Variants in TNR observed in about 807,000 individuals in gnomAD.
The protein encoded by TNR is tenascin-R.
TNR carries 45 observed loss-of-function variants against 150.4 expected under a neutral mutation model. The ratio of observed to expected loss-of-function variants is 0.30; its 90% confidence interval spans 0.24 to 0.38. TNR has a LOEUF of 0.38. TNR is among the 10% of genes least tolerant of loss of function. The pLI, the probability that TNR is intolerant of heterozygous loss-of-function variation, is 1.00. For synonymous variants in TNR, 687 were observed against 678.4 expected, an observed-to-expected ratio of 1.01 and a Z score of -0.20; for missense variants, 1,544 against 1,759.1, an observed-to-expected ratio of 0.88 and a Z score of 2.19.
chr1:175,629,235 A>G (rs1215678414), intron 1 of TNR, among the ~76,000 whole-genome samples: 1 of 152,158 alleles, frequency 6.6e-6, no homozygotes, highest in East Asian at 1.9e-4. Flanking sequence ...AGATGTTTCT[A>G]TCATAGGACC....
chr1:175,511,440 A>G (rs1354510810), intron 2 of TNR, among the ~76,000 whole-genome samples: 1 of 152,204 alleles, frequency 6.6e-6, no homozygotes, highest in African/African-American at 2.4e-5. Context: ...GCCCTGTAAT[A>G]TTTGATTTGA....
chr1:175,565,712 C>G (rs1558009362), intron 1 of TNR, among the ~76,000 whole-genome samples: 1 of 152,092 alleles, frequency 6.6e-6, no homozygotes, highest in African/African-American at 2.4e-5. Context: ...AGAAAGTGCA[C>G]AAGACTTACT....
chr1:175,700,660 G>A (rs1666665777), intron 1 of TNR, among the ~76,000 whole-genome samples: 1 of 152,192 alleles, frequency 6.6e-6, no homozygotes, highest in African/African-American at 2.4e-5. Context: ...TGCAGGAGCT[G>A]AGCTTGGAGA....
intron 2 of TNR, among the ~76,000 whole-genome samples, chr1:175,524,677 T>C (rs900163939): frequency 6.6e-6 from 1 of 152,104 alleles, no homozygotes; most frequent in Non-Finnish European, 1.5e-5. Flanking sequence ...GAGAGTGAAA[T>C]TGAGCAAGCT....
chr1:175,583,300 T>C (rs1406014306), intron 1 of TNR, among the ~76,000 whole-genome samples: 1 of 152,116 alleles, frequency 6.6e-6, no homozygotes, highest in Non-Finnish European at 1.5e-5. Context: ...TGAGCTGGCA[T>C]TGAAGCCTCA....
At chr1:175,693,539 T>G (rs1666434818) in intron 1 of TNR, among the ~76,000 whole-genome samples, 1 of 152,184 alleles carries the variant, frequency 6.6e-6, no homozygotes, top group Non-Finnish European at 1.5e-5. Flanking sequence ...TCCCTCCTCT[T>G]AGGTTTCCCA....
intron 3 of TNR, 120 bp from the exon 4 acceptor site, chr1:175,403,736 G>T: frequency 1.2e-6 from 1 of 806,948 alleles, no homozygotes; most frequent in Non-Finnish European, 2.0e-6. Flanking sequence ...TGCTGAGAGT[G>T]AAGCTCAACG....
chr1:175,635,296 G>A lies in TNR; in HGVS notation c.-164-106927C>T, dbSNP rs138224169. On this transcript the variant is annotated intron_variant, in intron 1 of 22. Coordinates refer to ENST00000367674, the MANE Select transcript of TNR (RefSeq NM_003285.3). The stretch of plus-strand genomic sequence containing the variant: ...ATCTCGAGTGTGTTCACCAACATGT[G>A]TGCAAACAAAAGGTCTCTAATTTTT... Among the ~76,000 whole-genome samples, 921 of 152,012 alleles carry A rather than the reference G, an allele frequency of 6.1e-3. 4 individuals are homozygous for A. Among genetic ancestry groups the A allele is most frequent in the Non-Finnish European group, 9.0e-3 (612 of 68,034 alleles).
At chr1:175,525,701 C>T (rs1453944268) in intron 2 of TNR, among the ~76,000 whole-genome samples, 1 of 152,188 alleles carries the variant, frequency 6.6e-6, no homozygotes, top group Non-Finnish European at 1.5e-5. Context: ...ATATGGTGGG[C>T]CGTCGTTCCC....
intron 1 of TNR, among the ~76,000 whole-genome samples, chr1:175,574,676 G>T (rs1190412318): frequency 6.6e-6 from 1 of 152,094 alleles, no homozygotes; most frequent in Admixed American, 6.5e-5. Context: ...ACAGATAATT[G>T]TTCCCCTCCT....
At chr1:175,398,325 GT>G (rs1653532868) in intron 4 of TNR, among the ~76,000 whole-genome samples, 4 of 152,190 alleles carry the variant, frequency 2.6e-5, no homozygotes. Context: ...GATGGCAAAT[GT>G]TGACCAAAAC....
intron 1 of TNR, among the ~76,000 whole-genome samples, chr1:175,714,700 G>T (rs544390021): frequency 2.8e-4 from 43 of 152,280 alleles, no homozygotes; most frequent in African/African-American, 9.1e-4. Context: ...ATCGATAGGC[G>T]CTTTAATTAC....
chr1:175,706,246 G>A (rs1236815066), intron 1 of TNR, among the ~76,000 whole-genome samples: 1 of 152,192 alleles, frequency 6.6e-6, no homozygotes. Flanking sequence ...TTTAAATTAA[G>A]CACCAAATAT....
chr1:175,419,794 T>C (rs1654670792), intron 2 of TNR, among the ~76,000 whole-genome samples: 1 of 152,170 alleles, frequency 6.6e-6, no homozygotes, highest in Admixed American at 6.5e-5. Context: ...AGTCCCCTTT[T>C]ACTGGAGTTC....
intron 1 of TNR, among the ~76,000 whole-genome samples, chr1:175,721,957 G>T (rs1667318104): frequency 6.6e-6 from 1 of 151,342 alleles, no homozygotes; most frequent in South Asian, 2.1e-4. Context: ...CCAATCATGA[G>T]CTGCTGGACT....
At chr1:175,581,881 T>C (rs1386382044) in intron 1 of TNR, among the ~76,000 whole-genome samples, 1 of 152,100 alleles carries the variant, frequency 6.6e-6, no homozygotes, top group Non-Finnish European at 1.5e-5. Flanking sequence ...CATCCCTACC[T>C]ACATGCCAGG....
chr1:175,444,578 G>A (rs565184208), intron 2 of TNR, among the ~76,000 whole-genome samples: 1 of 152,206 alleles, frequency 6.6e-6, no homozygotes, highest in East Asian at 1.9e-4. Flanking sequence ...CAAATACCAT[G>A]GTTTATTCAC....
At chr1:175,533,070 T>C (rs1009848291) in intron 1 of TNR, among the ~76,000 whole-genome samples, 1 of 152,212 alleles carries the variant, frequency 6.6e-6, no homozygotes, top group Non-Finnish European at 1.5e-5. Context: ...TGCTTTGCGC[T>C]TTTGCTTTGT....
chr1:175,589,959 C>T (rs1662732560), intron 1 of TNR, among the ~76,000 whole-genome samples: 1 of 152,074 alleles, frequency 6.6e-6, no homozygotes, highest in Non-Finnish European at 1.5e-5. Context: ...AACAAATCTG[C>T]ACGTTTTGCA....
Sources: allele counts gnomAD v4.1 joint callset (sites outside exome capture counted in the v4.1 genomes callset), GRCh38; gene constraint gnomAD v4.1.1; transcripts MANE v1.5; gene names NCBI Gene and HGNC (gene_info 2026-07-23, HGNC 2026-07-21).